The following MDFIC2 variants were observed in gnomAD, a reference collection of about 807,000 sequenced individuals.
The protein encoded by MDFIC2 is myoD family inhibitor domain-containing protein 2.
intron 2 of MDFIC2, among the ~76,000 whole-genome samples, chr3:70,284,713 G>T (rs1322363811): frequency 6.6e-6 from 1 of 152,128 alleles, no homozygotes; most frequent in East Asian, 1.9e-4. Context: ...CATGGCCACA[G>T]GGAGGGAAAC....
In MDFIC2 at chr3:70,206,753, T is replaced by C; in HGVS notation, c.126A>G (p.Lys42=). ...AATTTATAACAATAGCATTAATGGG[T>C]TTCTCATCTGCATGCTTTGCATTCG... ...QLTNAKHADE[K]PINAIVINSV... Residue 42 remains lysine, a synonymous_variant, in exon 3 of 4, where the codon AAA becomes AAG. Transcript: ENST00000567252. The C allele has an allele frequency of 5.0e-6, 2 of 397,858 alleles. No homozygotes were observed. Among genetic ancestry groups the C allele is most frequent in the East Asian group, 7.1e-5 (2 of 28,040 alleles). 24.6% of individuals were successfully genotyped at this position (397,858 alleles called of 1,614,324 possible).
At chr3:70,248,179 A>G (rs966865145) in intron 2 of MDFIC2, among the ~76,000 whole-genome samples, 43 of 152,222 alleles carry the variant, frequency 2.8e-4, no homozygotes, top group Admixed American at 2.2e-3. Context: ...TAGGACAGAA[A>G]CATGAGTAAG....
At chr3:70,265,548 G>A (rs1445463200) in intron 2 of MDFIC2, among the ~76,000 whole-genome samples, 1 of 151,094 alleles carries the variant, frequency 6.6e-6, no homozygotes, top group Non-Finnish European at 1.5e-5. Flanking sequence ...AGCCATCTCA[G>A]GACTTTTAGG....
intron 2 of MDFIC2, among the ~76,000 whole-genome samples, chr3:70,275,204 T>C (rs1037163048): frequency 6.6e-6 from 1 of 152,206 alleles, no homozygotes; most frequent in Non-Finnish European, 1.5e-5. Flanking sequence ...ATTGTGCTTC[T>C]GAATAGCATT....
chr3:70,299,638 C>G (rs1192243213), intron 2 of MDFIC2, among the ~76,000 whole-genome samples: 1 of 152,100 alleles, frequency 6.6e-6, no homozygotes. Flanking sequence ...ACCAATATCT[C>G]AAATTCGGAA....
intron 2 of MDFIC2, among the ~76,000 whole-genome samples, chr3:70,275,960 C>A (rs1041947688): frequency 2.0e-5 from 3 of 151,798 alleles, no homozygotes; most frequent in African/African-American, 7.3e-5. Context: ...TATTCTTAAT[C>A]AAAATAAATG....
intron 2 of MDFIC2, among the ~76,000 whole-genome samples, chr3:70,256,912 C>A (rs1442215286): frequency 6.6e-6 from 1 of 152,186 alleles, no homozygotes; most frequent in Non-Finnish European, 1.5e-5. Context: ...CACATGTTCT[C>A]ACTTCCCTGG....
At chr3:70,253,916 CT>C (rs1701791468) in intron 2 of MDFIC2, among the ~76,000 whole-genome samples, 1 of 152,028 alleles carries the variant, frequency 6.6e-6, no homozygotes, top group Non-Finnish European at 1.5e-5. Flanking sequence ...TGTATAATCT[CT>C]TTTAAAAACA....
chr3:70,212,722 A>C (rs1701363699), intron 2 of MDFIC2, among the ~76,000 whole-genome samples: 1 of 152,114 alleles, frequency 6.6e-6, no homozygotes, highest in South Asian at 2.1e-4. Flanking sequence ...AAGAAAGCAA[A>C]ACACACACAT....
At chr3:70,280,520 A>G (rs1314324743) in intron 2 of MDFIC2, among the ~76,000 whole-genome samples, 1 of 152,136 alleles carries the variant, frequency 6.6e-6, no homozygotes, top group Non-Finnish European at 1.5e-5. Flanking sequence ...AGCTGAGCTG[A>G]AGCATTATCT....
chr3:70,243,565 G>T (rs989491772), intron 2 of MDFIC2, among the ~76,000 whole-genome samples: 2 of 152,080 alleles, frequency 1.3e-5, no homozygotes, highest in East Asian at 1.9e-4. Flanking sequence ...CTGCACTATC[G>T]TCATTTTGGA....
At chr3:70,237,977 A>ATTTTTTTTTTTTTTTTT (rs1251005797) in intron 2 of MDFIC2, among the ~76,000 whole-genome samples, 2 of 13,004 alleles carry the variant, frequency 1.5e-4, no homozygotes, top group African/African-American at 9.8e-4. Context: ...ATTGAGTGGT[A>ATTTTTTTTTTTTTTTTT]TCTTTTTTTT....
At chr3:70,296,599 C>T (rs1702291649) in intron 2 of MDFIC2, among the ~76,000 whole-genome samples, 1 of 152,160 alleles carries the variant, frequency 6.6e-6, no homozygotes, top group South Asian at 2.1e-4. Flanking sequence ...AAGGCATGAT[C>T]ATTTACCCAG....
chr3:70,282,697 C>G (rs751153780), intron 2 of MDFIC2, among the ~76,000 whole-genome samples: 4 of 152,170 alleles, frequency 2.6e-5, no homozygotes, highest in Non-Finnish European at 5.9e-5. Context: ...AGGCCTTCCT[C>G]GACTACCTTG....
chr3:70,225,611 AG>A (rs35333732), intron 2 of MDFIC2, among the ~76,000 whole-genome samples: 21,603 of 152,162 alleles, frequency 0.14, 2,208 homozygotes, highest in East Asian at 0.53. Flanking sequence ...AGATGCTAGA[AG>A]CATGCCTAAT....
intron 2 of MDFIC2, among the ~76,000 whole-genome samples, chr3:70,256,018 A>G (rs1701812074): frequency 6.6e-6 from 1 of 152,236 alleles, no homozygotes; most frequent in Admixed American, 6.5e-5. Flanking sequence ...ACCAGTTTAT[A>G]GGTGTAATAG....
At chr3:70,208,076 T>A (rs1193990075) in intron 2 of MDFIC2, among the ~76,000 whole-genome samples, 1 of 151,940 alleles carries the variant, frequency 6.6e-6, no homozygotes, top group Non-Finnish European at 1.5e-5. Context: ...TAAAATCATG[T>A]TAGAGAGAGG....
intron 2 of MDFIC2, among the ~76,000 whole-genome samples, chr3:70,248,816 T>C (rs189804193): frequency 8.5e-5 from 13 of 152,192 alleles, no homozygotes; most frequent in South Asian, 4.1e-4. Flanking sequence ...TAGGCTACCA[T>C]GTGTGATATG....
At chr3:70,248,737 G>T (rs966926768) in intron 2 of MDFIC2, among the ~76,000 whole-genome samples, 3 of 152,058 alleles carry the variant, frequency 2.0e-5, no homozygotes, top group Non-Finnish European at 4.4e-5. Context: ...GTGAACAAAA[G>T]AACTCAACAG....
Sources: allele counts gnomAD v4.1 joint callset (sites outside exome capture counted in the v4.1 genomes callset), GRCh38; gene constraint gnomAD v4.1.1; transcripts MANE v1.5; gene names NCBI Gene and HGNC (gene_info 2026-07-23, HGNC 2026-07-21).